Variants in FRMPD4 observed in about 807,000 individuals in gnomAD.
The protein encoded by FRMPD4 is FERM and PDZ domain-containing protein 4.
Under a neutral mutation model 94.1 loss-of-function variants are expected in FRMPD4, and 22 were observed. That is an observed-to-expected ratio of 0.23 (90% CI 0.17 to 0.33). The LOEUF (loss-of-function observed/expected upper bound fraction) is 0.33, where lower values mean the gene tolerates loss of function less well. Ranked by LOEUF, FRMPD4 falls within the 10% of genes least tolerant of loss-of-function variation. The pLI, the probability that FRMPD4 is intolerant of heterozygous loss-of-function variation, is 1.00. For missense variants in FRMPD4, 1,111 were observed against 1,339.9 expected, an observed-to-expected ratio of 0.83 and a Z score of 2.67; for synonymous variants, 631 against 548.6, an observed-to-expected ratio of 1.15 and a Z score of -2.10.
intron 1 of FRMPD4, among the ~76,000 whole-genome samples, chrX:12,333,800 A>T (rs66865949): frequency 9.0e-6 from 1 of 111,436 alleles, no homozygotes; most frequent in Non-Finnish European, 1.9e-5. Context: ...TATAAAAAGC[A>T]TACACGCTCC....
intron 1 of FRMPD4, among the ~76,000 whole-genome samples, chrX:11,847,986 A>T (rs1472836057): frequency 2.4e-4 from 25 of 106,349 alleles, no homozygotes; most frequent in African/African-American, 6.2e-4. Flanking sequence ...GACATATGTA[A>T]CTAACCTGCA....
chrX:12,574,690 G>A (rs868802060), intron 2 of FRMPD4, among the ~76,000 whole-genome samples: 4 of 110,790 alleles, frequency 3.6e-5, no homozygotes, highest in South Asian at 3.9e-4. Context: ...TAGAGACAGA[G>A]TTTCGCCATG....
At chrX:12,291,842 G>C (rs777248682) in intron 1 of FRMPD4, among the ~76,000 whole-genome samples, 8 of 111,481 alleles carry the variant, frequency 7.2e-5, no homozygotes, top group Non-Finnish European at 1.5e-4. Flanking sequence ...TATCCTACTC[G>C]GGCTCCATCC....
At chrX:12,512,123 G>T (rs923766548) in intron 2 of FRMPD4, among the ~76,000 whole-genome samples, 3 of 112,440 alleles carry the variant, frequency 2.7e-5, no homozygotes, top group African/African-American at 9.7e-5. Flanking sequence ...GACAATTGTT[G>T]CCACATTTTA....
chrX:11,946,399 T>C (rs905820820), intron 3 of FRMPD4, among the ~76,000 whole-genome samples: 1 of 111,470 alleles, frequency 9.0e-6, no homozygotes, highest in Admixed American at 9.5e-5. Flanking sequence ...AAGTTAGGTA[T>C]GATCGTGTGA....
intron 4 of FRMPD4, among the ~76,000 whole-genome samples, chrX:12,667,330 G>T (rs1424304610): frequency 1.8e-5 from 2 of 111,836 alleles, no homozygotes; most frequent in Non-Finnish European, 3.8e-5. Context: ...ACATATCTTT[G>T]TTATTTGAGT....
At chrX:12,013,145 T>A (rs1444742611) in intron 3 of FRMPD4, among the ~76,000 whole-genome samples, 1 of 111,981 alleles carries the variant, frequency 8.9e-6, no homozygotes, top group Non-Finnish European at 1.9e-5. Flanking sequence ...AGGAAATGTC[T>A]CTCAGCAGAA....
At chrX:11,959,572 C>T (rs2054273945) in intron 3 of FRMPD4, among the ~76,000 whole-genome samples, 1 of 111,726 alleles carries the variant, frequency 9.0e-6, no homozygotes, top group Admixed American at 9.5e-5. Context: ...TAATGGGAGG[C>T]CCTTATCAGG....
chrX:12,220,152 GCAACAACAACAACAA>G (rs3063515), intron 1 of FRMPD4, among the ~76,000 whole-genome samples: 1 of 106,489 alleles, frequency 9.4e-6, no homozygotes, highest in Non-Finnish European at 1.9e-5. Flanking sequence ...AACAACAACA[GCAACAACAACAACAA>G]CAACAACAAC....
At chrX:12,555,410 TG>T (rs1171588826) in intron 2 of FRMPD4, among the ~76,000 whole-genome samples, 1 of 107,425 alleles carries the variant, frequency 9.3e-6, no homozygotes, top group African/African-American at 3.3e-5. Context: ...TTTTTGAGAT[TG>T]GATATATAAA....
At chrX:11,920,868 G>C (rs2054051673) in intron 3 of FRMPD4, among the ~76,000 whole-genome samples, 1 of 111,425 alleles carries the variant, frequency 9.0e-6, no homozygotes, top group Non-Finnish European at 1.9e-5. Flanking sequence ...AGGGAGAAGA[G>C]AGAGAGATGT....
At position 12,716,365 on chromosome X, in the gene FRMPD4, C is replaced by G. The variant is rs751227436; in HGVS notation, c.1906C>G (p.Pro636Ala). The change falls in exon 15 of 17, where the codon CCA (proline) becomes GCA (alanine). Residue 636 changes from proline to alanine, a missense_variant. This residue lies in a region of FRMPD4 where 192 missense variants were observed against 192.5 expected (regional missense o/e 1.00). Transcript: ENST00000675598. The part of the protein sequence containing the change: ...AQRSLLTLSG[P>A]ETLKKAQESP... ...GCGGTCCCTATTGACCCTCTCAGGA[C>G]CAGAAACTCTGAAGAAAGCACAGGA... The G allele has an allele frequency of 1.2e-5, 15 of 1,209,809 alleles. No individual in the cohort carries two copies. The African/African-American group carries it at 2.3e-4, about 18-fold the overall frequency.
intron 1 of FRMPD4, among the ~76,000 whole-genome samples, chrX:11,862,523 G>A (rs1445250570): frequency 2.7e-5 from 3 of 111,302 alleles, no homozygotes; most frequent in African/African-American, 9.8e-5. Flanking sequence ...CTGATAATGT[G>A]CCTTACAGAC....
chrX:12,394,336 A>G (rs763601993), intron 1 of FRMPD4, among the ~76,000 whole-genome samples: 1 of 111,916 alleles, frequency 8.9e-6, no homozygotes, highest in East Asian at 2.8e-4. Flanking sequence ...AGATGATGAA[A>G]CAGAATGGTG....
At chrX:12,275,002 C>T (rs1325117290) in intron 1 of FRMPD4, among the ~76,000 whole-genome samples, 2 of 111,994 alleles carry the variant, frequency 1.8e-5, no homozygotes, top group Non-Finnish European at 3.8e-5. Flanking sequence ...GAGCGAGACT[C>T]CATCTCAAAA....
intron 1 of FRMPD4, among the ~76,000 whole-genome samples, chrX:12,362,706 T>C (rs2056012657): frequency 8.9e-6 from 1 of 111,934 alleles, no homozygotes; most frequent in South Asian, 3.8e-4. Flanking sequence ...TTTATAATCC[T>C]TTGGGTATAT....
intron 1 of FRMPD4, among the ~76,000 whole-genome samples, chrX:12,453,050 A>T (rs370731270): frequency 1.8e-5 from 2 of 112,434 alleles, no homozygotes; most frequent in South Asian, 3.7e-4. Context: ...AAAATAAAAT[A>T]AAAAACCACC....
rs537658671 is a variant in FRMPD4 at position 12,140,545 on chromosome X, C to T, written c.41+1533C>T. Among the ~76,000 whole-genome samples, 7 of 111,944 alleles carry T rather than the reference C, an allele frequency of 6.3e-5. No homozygotes were observed. In the South Asian group the frequency reaches 2.6e-3, roughly 42 times the overall value. On this transcript the variant is annotated intron_variant, in intron 1 of 16. Transcript: ENST00000675598. Reference sequence around the variant, plus strand: ...TGCAAGTTTAGAGGCTAAGTGGTACCCTCCGTGTGATGGACAGAGATACTG... The same window carrying T: ...TGCAAGTTTAGAGGCTAAGTGGTACTCTCCGTGTGATGGACAGAGATACTG...
intron 2 of FRMPD4, among the ~76,000 whole-genome samples, chrX:12,605,994 G>A (rs183535437): frequency 8.0e-5 from 9 of 112,339 alleles, no homozygotes; most frequent in East Asian, 5.6e-4. Context: ...TCCAGTGGGC[G>A]TTTTACGAAT....
Sources: allele counts gnomAD v4.1 joint callset (sites outside exome capture counted in the v4.1 genomes callset), GRCh38; gene constraint gnomAD v4.1.1; regional missense constraint gnomAD v4.1.1; transcripts MANE v1.5; gene names NCBI Gene and HGNC (gene_info 2026-07-23, HGNC 2026-07-21).